Variants in TTC3 observed in about 807,000 individuals in gnomAD.
The protein encoded by TTC3 is tetratricopeptide repeat domain 3.
In TTC3, 180 loss-of-function variants were observed where a neutral mutation model predicts 249.6. The ratio of observed to expected loss-of-function variants is 0.72; its 90% CI spans 0.64 to 0.82. The LOEUF (loss-of-function observed/expected upper bound fraction) is 0.82. Among genes scored for constraint, TTC3 ranks in the 40% least tolerant of loss-of-function variants. The pLI, the probability that TTC3 is intolerant of heterozygous loss-of-function variation, is 0.00. For synonymous variants in TTC3, 717 were observed against 805.0 expected (o/e 0.89, Z 1.85); for missense variants, 2,061 against 2,398.4 (o/e 0.86, Z 2.94).
At chr21:37,098,066 C>A in intron 10 of TTC3, 1 of 617,446 alleles carries the variant, frequency 1.6e-6, no homozygotes, top group South Asian at 2.0e-5. Flanking sequence ...CCGAGGCTAT[C>A]TAGACTAGAG....
intron 1 of TTC3, among the ~76,000 whole-genome samples, chr21:37,079,734 A>G (rs901661040): frequency 6.6e-6 from 1 of 151,704 alleles, no homozygotes; most frequent in African/African-American, 2.4e-5. Context: ...GAGTTTCACC[A>G]TGTTGGCCAG....
chr21:37,103,118 G>T (rs2074680429), intron 10 of TTC3, among the ~76,000 whole-genome samples: 1 of 152,188 alleles, frequency 6.6e-6, no homozygotes, highest in Non-Finnish European at 1.5e-5. Context: ...CCAAGGGTGG[G>T]GAGAGGAAAG....
intron 11 of TTC3, among the ~76,000 whole-genome samples, chr21:37,111,295 G>A (rs572202755): frequency 6.6e-6 from 1 of 152,296 alleles, no homozygotes; most frequent in South Asian, 2.1e-4. Context: ...TCAGTGTGCT[G>A]TATTCAGGAA....
chr21:37,180,843 T>TAAA (rs138425939), intron 35 of TTC3, among the ~76,000 whole-genome samples: 1 of 143,130 alleles, frequency 7.0e-6, no homozygotes, highest in African/African-American at 2.6e-5. Context: ...TTAGAAAATG[T>TAAA]AAAAAAAAAA....
intron 13 of TTC3, among the ~76,000 whole-genome samples, chr21:37,123,771 C>T (rs1036000565): frequency 7.3e-5 from 11 of 150,970 alleles, no homozygotes; most frequent in Admixed American, 5.9e-4. Flanking sequence ...TTTTTTGAGA[C>T]GGAGTCTCAC....
At chr21:37,111,449 A>C (rs2075654704) in intron 11 of TTC3, among the ~76,000 whole-genome samples, 1 of 152,216 alleles carries the variant, frequency 6.6e-6, no homozygotes, top group Admixed American at 6.5e-5. Context: ...ATCAAAAGAG[A>C]CAAGGCCATT....
At position 37,079,517 on chromosome 21, in the gene TTC3, GTTTTTTTTTTTTT is replaced by G. The variant is rs60361476; in HGVS notation, c.-12+6175_-12+6187del. Among the ~76,000 whole-genome samples, 9 of 91,228 alleles carry G rather than the reference GTTTTTTTTTTTTT, an allele frequency of 9.9e-5. No individual in the cohort carries two copies. The South Asian group carries it at 2.7e-3, about 28-fold the overall frequency. 59.8% of individuals were successfully genotyped at this position (91,228 alleles called of 152,430 possible). ...GTCCTTTCATCAAGTTTATGGTATGGTTTTTTTTTTTTTTTTTTTTTTTTTTTTTTTTTTAAGA... is the reference window on the plus strand; with the variant it reads ...GTCCTTTCATCAAGTTTATGGTATGGTTTTTTTTTTTTTTTTTTTTTAAGA... On this transcript the variant is annotated intron_variant, in intron 1 of 45. Transcript: ENST00000355666.
intron 1 of TTC3, among the ~76,000 whole-genome samples, chr21:37,077,019 A>T (rs1472598787): frequency 6.6e-6 from 1 of 151,986 alleles, no homozygotes; most frequent in Non-Finnish European, 1.5e-5. Context: ...TTAAAATACC[A>T]CTATAGTGTT....
At chr21:37,189,043 T>C (rs998234772) in intron 39 of TTC3, among the ~76,000 whole-genome samples, 1 of 151,992 alleles carries the variant, frequency 6.6e-6, no homozygotes, top group African/African-American at 2.4e-5. Context: ...TCCTTATAGT[T>C]AACTTTTTAT....
chr21:37,138,719 G>T lies in TTC3; in HGVS notation c.1659+5G>T. 6.3e-7 allele frequency: 1 copy of T among 1,593,736 alleles called. No individual in the cohort carries two copies. The highest frequency in any genetic ancestry group is 8.6e-7 in the Non-Finnish European group (1 of 1,164,800). On this transcript the variant is annotated splice_donor_5th_base_variant and intron_variant, in intron 19 of 45. Transcript: ENST00000355666. ...CTTGGAATAGGACAGCCTGAGGTAA[G>T]ATTTGTAACAGTGGTAATAAACAAT...
chr21:37,104,810 G>T (rs550184844), intron 10 of TTC3, among the ~76,000 whole-genome samples: 1 of 152,096 alleles, frequency 6.6e-6, no homozygotes, highest in African/African-American at 2.4e-5. Context: ...ACTGAACTTT[G>T]ACAAATACCA....
intron 41 of TTC3, chr21:37,194,308 G>A (rs761996967): frequency 3.3e-5 from 5 of 152,146 alleles, no homozygotes; most frequent in Admixed American, 6.5e-5. Flanking sequence ...GTTTTAAATT[G>A]CACACTGTTT....
intron 10 of TTC3, among the ~76,000 whole-genome samples, chr21:37,097,660 T>TTTCTAGTATTTAGTTTTGAAAG (rs2074074948): frequency 6.6e-6 from 1 of 152,210 alleles, no homozygotes; most frequent in Admixed American, 6.5e-5. Context: ...AGTTGGGCTG[T>TTTCTAGTATTTAGTTTTGAAAG]AATATTAATT....
intron 11 of TTC3, among the ~76,000 whole-genome samples, chr21:37,111,829 C>G (rs937937198): frequency 3.3e-5 from 5 of 152,052 alleles, no homozygotes; most frequent in African/African-American, 1.2e-4. Flanking sequence ...TGTAAAAGAA[C>G]AGAAATTATA....
At chr21:37,095,135 A>ACATGTGTGTG (rs1555853733) in intron 8 of TTC3, among the ~76,000 whole-genome samples, 19 of 76,752 alleles carry the variant, frequency 2.5e-4, no homozygotes, top group South Asian at 1.2e-3. Flanking sequence ...GTCTCTAAAA[A>ACATGTGTGTG]TATGTGTGTG....
intron 1 of TTC3, chr21:37,086,219 G>A (rs2072449125): frequency 6.6e-6 from 1 of 152,174 alleles, no homozygotes; most frequent in Non-Finnish European, 1.5e-5. Context: ...TAGTGTTCTT[G>A]CTTTGGAAAG....
At chr21:37,096,539 T>C (rs764918369) in intron 9 of TTC3, 42 bp from the exon 10 acceptor site, 4 of 1,432,768 alleles carry the variant, frequency 2.8e-6, no homozygotes, top group East Asian at 4.6e-5. Context: ...ATTTGTTTCA[T>C]GTGTAATGTG....
At chr21:37,113,181 G>A (rs1386442255) in intron 11 of TTC3, among the ~76,000 whole-genome samples, 3 of 152,232 alleles carry the variant, frequency 2.0e-5, no homozygotes, top group Non-Finnish European at 4.4e-5. Context: ...AGTGTTGGAA[G>A]TTCTGGCCAG....
In TTC3 at chr21:37,118,601, A is replaced by G. The variant is rs544831481; in HGVS notation, c.901-3216A>G. 2.6e-3 allele frequency among the ~76,000 whole-genome samples: 394 copies of G among 152,316 alleles called. 2 individuals are homozygous for G. Among genetic ancestry groups the G allele is most frequent in the African/African-American group, 9.0e-3 (376 of 41,580 alleles). ...CAGAAACTGAACTCAGATTTGATTT[A>G]AGTAGAAAAGGGAATTAATTGGCTC... On this transcript the variant is annotated intron_variant, in intron 11 of 45. Coordinates refer to ENST00000355666, the Ensembl canonical transcript of TTC3.
Sources: allele counts gnomAD v4.1 joint callset (sites outside exome capture counted in the v4.1 genomes callset), GRCh38; gene constraint gnomAD v4.1.1; transcripts MANE v1.5; gene names NCBI Gene and HGNC (gene_info 2026-07-23, HGNC 2026-07-21).